Variants in LAMC3 observed in about 807,000 individuals in gnomAD.
LAMC3 encodes laminin subunit gamma-3.
A neutral mutation model predicts 173.8 loss-of-function variants in LAMC3; 128 were observed. The observed-to-expected ratio is 0.74, with a 90% CI of 0.64 to 0.85. LAMC3 has a LOEUF of 0.85. Ranked by LOEUF, LAMC3 falls within the 40% of genes least tolerant of loss-of-function variation. The pLI, the probability that LAMC3 is intolerant of heterozygous loss-of-function variation, is 0.00. For missense variants in LAMC3, 2,022 were observed against 2,156.0 expected (o/e 0.94, Z 1.23); for synonymous variants, 897 against 909.1 (o/e 0.99, Z 0.24).
intron 8 of LAMC3, among the ~76,000 whole-genome samples, chr9:131,046,475 C>T (rs1408383657): frequency 2.0e-5 from 3 of 147,432 alleles, no homozygotes; most frequent in South Asian, 4.3e-4. Flanking sequence ...TCCCAAAATG[C>T]TGGGACTACA....
At chr9:131,080,130 G>A (rs922025734) in intron 23 of LAMC3, among the ~76,000 whole-genome samples, 2 of 151,874 alleles carry the variant, frequency 1.3e-5, no homozygotes, top group African/African-American at 4.8e-5. Context: ...GTGCCACCGT[G>A]TCTAGCTAAA....
intron 13 of LAMC3, among the ~76,000 whole-genome samples, chr9:131,061,920 A>T (rs1274233452): frequency 2.0e-5 from 3 of 152,038 alleles, no homozygotes; most frequent in Non-Finnish European, 4.4e-5. Context: ...GTGTGGTGGC[A>T]TGCACCTGTG....
rs753267705 is a variant in LAMC3 at position 131,039,217 on chromosome 9, G to A, written c.1252G>A (p.Gly418Arg). 13 of 1,607,010 alleles carry A rather than the reference G, an allele frequency of 8.1e-6. No individual in the cohort carries two copies. The highest frequency in any genetic ancestry group is 1.1e-5 in the South Asian group (1 of 91,084). ...TGWKCDRCLPGFHSLSEGGCR... is the reference protein window; with the variant it reads ...TGWKCDRCLPRFHSLSEGGCR... Reference sequence around the variant, plus strand: ...CTGGAAGTGTGACCGCTGTCTGCCCGGGTTCCACTCGCTCAGTGAGGGAGG... The same window carrying A: ...CTGGAAGTGTGACCGCTGTCTGCCCAGGTTCCACTCGCTCAGTGAGGGAGG... Residue 418 changes from glycine to arginine, a missense_variant, in exon 6 of 28, where the codon GGG becomes AGG. Gly to Arg is a moderately radical substitution (Grantham distance 125). Transcript: ENST00000361069.
chr9:131,067,311 T>C (rs541493511), intron 14 of LAMC3, 106 bp downstream of exon 14: 17 of 1,449,434 alleles, frequency 1.2e-5, no homozygotes, highest in Non-Finnish European at 1.6e-5. Context: ...CAGAACCAGC[T>C]GGCTCCTCTG....
At chr9:131,022,002 C>T (rs374050502) in intron 1 of LAMC3, among the ~76,000 whole-genome samples, 8 of 152,120 alleles carry the variant, frequency 5.3e-5, no homozygotes, top group South Asian at 2.1e-4. Flanking sequence ...TTTTCATGGA[C>T]GCTTCATGCA....
intron 27 of LAMC3, 123 bp from the exon 28 acceptor site, chr9:131,091,414 G>A (rs1380360682): frequency 1.5e-6 from 2 of 1,321,616 alleles, no homozygotes; most frequent in Non-Finnish European, 2.1e-6. Flanking sequence ...ATCTTTCCCT[G>A]GTGGATGGTG....
At position 131,016,352 on chromosome 9, in the gene LAMC3, A is replaced by T. The variant is rs567456647; in HGVS notation, c.373+6765A>T. 2.6e-5 allele frequency among the ~76,000 whole-genome samples: 4 copies of T among 152,318 alleles called. No individual in the cohort carries two copies. In the South Asian group the frequency reaches 8.3e-4, roughly 32 times the overall value. On this transcript the variant is annotated intron_variant, in intron 1 of 27. Transcript: ENST00000361069. ...GTGGTGAAGGTTGCACAACAATGTG[A>T]GCTGTGCAAATGGGTAAGATGGTAA...
At chr9:131,070,650 G>A (rs113393116) in intron 17 of LAMC3, among the ~76,000 whole-genome samples, 7 of 152,196 alleles carry the variant, frequency 4.6e-5, no homozygotes, top group Non-Finnish European at 7.4e-5. Context: ...GGCGGAGGTC[G>A]CAGGGAGCCA....
intron 13 of LAMC3, among the ~76,000 whole-genome samples, chr9:131,062,133 C>T (rs576205931): frequency 2.4e-4 from 36 of 152,038 alleles, no homozygotes; most frequent in Non-Finnish European, 4.9e-4. Flanking sequence ...GAGGCTGAAG[C>T]GGGTGGATCA....
chr9:131,065,251 A>C (rs1240848676), intron 13 of LAMC3, among the ~76,000 whole-genome samples: 1 of 152,154 alleles, frequency 6.6e-6, no homozygotes, highest in Non-Finnish European at 1.5e-5. Context: ...CTATGTCCAG[A>C]GTAGACCTCT....
chr9:131,009,636 A>G lies in LAMC3; in HGVS notation c.373+49A>G. The G allele has an allele frequency of 6.5e-7, 1 of 1,544,576 alleles. No individual in the cohort carries two copies. Among genetic ancestry groups the G allele is most frequent in the Non-Finnish European group, 8.7e-7 (1 of 1,146,746 alleles). ...CCACCGCACCCCGTGTCCCCACTCC[A>G]CTGGGGGTCTGAGGCTGAGGCCTGA... On this transcript the variant is annotated intron_variant, in intron 1 of 27. Transcript: ENST00000361069. The surrounding 1 kb of genome is among the most constrained non-coding windows in gnomAD (Gnocchi z 4.3).
chr9:131,032,497 T>TCTCTCTCTTG (rs1564368252), intron 3 of LAMC3, among the ~76,000 whole-genome samples: 5 of 143,798 alleles, frequency 3.5e-5, no homozygotes, highest in Admixed American at 2.1e-4. Context: ...GCTCTCGCTC[T>TCTCTCTCTTG]CTCTCACTCG....
At chr9:131,091,465 CA>C (rs1307114058) in intron 27 of LAMC3, 71 bp from the exon 28 acceptor site, 7 of 1,543,996 alleles carry the variant, frequency 4.5e-6, no homozygotes, top group Non-Finnish European at 6.1e-6. Flanking sequence ...GGGAGAGGCT[CA>C]GGGGCTGGGA....
chr9:131,045,875 ACCC>A (rs1309301908), intron 8 of LAMC3, among the ~76,000 whole-genome samples: 5 of 152,038 alleles, frequency 3.3e-5, no homozygotes, highest in Admixed American at 6.5e-5. Flanking sequence ...TTCTCTTTAT[ACCC>A]GTGGTGGGGT....
chr9:131,039,396 C>G (rs1411497891), intron 6 of LAMC3, 148 bp downstream of exon 6: 8 of 727,618 alleles, frequency 1.1e-5, no homozygotes, highest in Non-Finnish European at 1.7e-5. Flanking sequence ...AGACACTCAG[C>G]TCCTGGAGAG....
Position 131,053,697 on chromosome 9 carries a change from G to T in LAMC3, c.1939+732G>T, listed in dbSNP as rs533464608. Among the ~76,000 whole-genome samples, 4 of 152,278 alleles carry T rather than the reference G, an allele frequency of 2.6e-5. No homozygotes were observed. The South Asian group carries it at 8.3e-4, about 32-fold the overall frequency. On this transcript the variant is annotated intron_variant, in intron 11 of 27. Transcript: ENST00000361069. ...AAAATACAAAAATTAGCTGGGCGTG[G>T]TGGCACACACCTGTAATCCCAGCTA...
chr9:131,091,716 A>G lies in LAMC3; in HGVS notation c.4657A>G (p.Ile1553Val). 1 of 1,612,928 alleles carries G rather than the reference A, an allele frequency of 6.2e-7. No homozygotes were observed. Among genetic ancestry groups the G allele is most frequent in the South Asian group, 1.1e-5 (1 of 90,860 alleles). ...GGGCTTCGAGAGTGACCTCGCCGAG[A>G]TCCGCGCCGACAAACAGAACCTGGA... ...IQGFESDLAE[I>V]RADKQNLEAI... The change falls in exon 28 of 28, where the codon ATC (isoleucine) becomes GTC (valine). Residue 1553 changes from isoleucine (I) to valine (V), a missense_variant. Transcript: ENST00000361069.
rs1022551851 is a variant in LAMC3, at chr9:131,053,973, A to C, written c.1939+1008A>C. On this transcript the variant is annotated intron_variant, in intron 11 of 27. Coordinates refer to ENST00000361069, the MANE Select transcript of LAMC3 (RefSeq NM_006059.4). ...TGTAGTGACTGTGCCACTGCACTCC[A>C]GCCTGGGTGACAAAGCGAGACCTTG... Among the ~76,000 whole-genome samples the C allele has an allele frequency of 2.6e-5, 4 of 152,034 alleles. No individual in the cohort carries two copies. In the East Asian group the frequency reaches 7.7e-4, roughly 29 times the overall value.
At chr9:131,021,702 C>T (rs1412601350) in intron 1 of LAMC3, among the ~76,000 whole-genome samples, 1 of 152,132 alleles carries the variant, frequency 6.6e-6, no homozygotes, top group Non-Finnish European at 1.5e-5. Context: ...GGCTGTCTTC[C>T]GCCACACACA....
Sources: allele counts gnomAD v4.1 joint callset (sites outside exome capture counted in the v4.1 genomes callset), GRCh38; gene constraint gnomAD v4.1.1; non-coding constraint Gnocchi (gnomAD v3.1); transcripts MANE v1.5; gene names NCBI Gene and HGNC (gene_info 2026-07-23, HGNC 2026-07-21).